Variants in DAB2IP observed in about 807,000 individuals in gnomAD.
The protein encoded by DAB2IP is DAB2 interacting protein.
A neutral mutation model predicts 107.2 loss-of-function variants in DAB2IP; 28 were observed. That is an observed-to-expected ratio of 0.26 (90% CI 0.19 to 0.36). DAB2IP has a LOEUF of 0.36. Among genes scored for constraint, DAB2IP ranks in the 10% least tolerant of loss-of-function variants. The pLI is 1.00. For synonymous variants in DAB2IP, 755 were observed against 706.4 expected, an observed-to-expected ratio of 1.07 and a Z score of -1.09; for missense variants, 1,400 against 1,644.7, an observed-to-expected ratio of 0.85 and a Z score of 2.57.
chr9:121,573,718 G>A (rs1564678528), intron 1 of DAB2IP, among the ~76,000 whole-genome samples: 1 of 152,142 alleles, frequency 6.6e-6, no homozygotes, highest in South Asian at 2.1e-4. Flanking sequence ...TACACCTGGT[G>A]GGTTGCAGTT....
chr9:121,779,522 A>C (rs943906436), intron 14 of DAB2IP, among the ~76,000 whole-genome samples: 2 of 152,208 alleles, frequency 1.3e-5, no homozygotes, highest in African/African-American at 4.8e-5. Context: ...TCTGGGAGAC[A>C]GTGAGGTTAC....
intron 3 of DAB2IP, among the ~76,000 whole-genome samples, chr9:121,742,155 C>T (rs1288478072): frequency 6.6e-6 from 1 of 152,100 alleles, no homozygotes; most frequent in African/African-American, 2.4e-5. Flanking sequence ...GGGCAGGGCA[C>T]GGTGGCTCAT....
chr9:121,582,931 G>T (rs997178085), intron 1 of DAB2IP, among the ~76,000 whole-genome samples: 2 of 152,234 alleles, frequency 1.3e-5, no homozygotes, highest in Admixed American at 6.5e-5. Flanking sequence ...CCAGGTGAAG[G>T]CTCTGCCCTG....
chr9:121,588,050 G>C (rs937154033), intron 1 of DAB2IP, among the ~76,000 whole-genome samples: 2 of 152,122 alleles, frequency 1.3e-5, no homozygotes, highest in African/African-American at 2.4e-5. Context: ...CTATCCATGC[G>C]TTGAAGCCCT....
At chr9:121,733,317 A>G (rs1831655130) in intron 3 of DAB2IP, among the ~76,000 whole-genome samples, 1 of 152,236 alleles carries the variant, frequency 6.6e-6, no homozygotes, top group African/African-American at 2.4e-5. Flanking sequence ...CCCAGGATGC[A>G]TGCATCTCTC....
chr9:121,769,063 C>T (rs909114296), intron 10 of DAB2IP, among the ~76,000 whole-genome samples: 1 of 152,206 alleles, frequency 6.6e-6, no homozygotes, highest in Non-Finnish European at 1.5e-5. Context: ...ACTCCCTAGA[C>T]ACCTCTGACA....
chr9:121,656,617 A>C (rs1832982554), intron 1 of DAB2IP, among the ~76,000 whole-genome samples: 1 of 151,552 alleles, frequency 6.6e-6, no homozygotes, highest in Non-Finnish European at 1.5e-5. Context: ...TGGGGAGCTC[A>C]CTCCCTCTCA....
At chr9:121,771,506 G>C (rs2119007598) in intron 11 of DAB2IP, among the ~76,000 whole-genome samples, 1 of 152,282 alleles carries the variant, frequency 6.6e-6, no homozygotes, top group Non-Finnish European at 1.5e-5. Context: ...GGGAGCCCAG[G>C]AGGGGCCAGA....
chr9:121,655,567 T>C (rs896590823), intron 1 of DAB2IP, among the ~76,000 whole-genome samples: 3 of 152,126 alleles, frequency 2.0e-5, no homozygotes, highest in Non-Finnish European at 4.4e-5. Context: ...ACAAGTCTCT[T>C]TCTAGGGGAC....
chr9:121,654,706 C>G (rs1832904034), intron 1 of DAB2IP, among the ~76,000 whole-genome samples: 1 of 152,202 alleles, frequency 6.6e-6, no homozygotes, highest in Admixed American at 6.5e-5. Flanking sequence ...TTGAGCCAGT[C>G]CCTTCTGACC....
chr9:121,746,411 T>C, intron 3 of DAB2IP, among the ~76,000 whole-genome samples: 1 of 152,108 alleles, frequency 6.6e-6, no homozygotes, highest in East Asian at 1.9e-4. Flanking sequence ...TGTGTGTGTG[T>C]TTTTAAGGAA....
chr9:121,782,546 G>A lies in DAB2IP; in HGVS notation c.*48G>A, dbSNP rs1255191460. 4 of 1,597,732 alleles carry A rather than the reference G, an allele frequency of 2.5e-6. No individual in the cohort carries two copies. In the South Asian group the frequency reaches 4.5e-5, roughly 18 times the overall value. ...TACCCAAGGAGAGGGGGACTATGGT[G>A]GCCAAGGGCAGGGTCTCGGCCTGGG... On this transcript the variant is annotated 3_prime_UTR_variant, in exon 16 of 16. Coordinates refer to ENST00000408936, the Ensembl canonical transcript of DAB2IP. The surrounding 1 kb of genome is among the most constrained non-coding windows in gnomAD (Gnocchi z 6.1).
Position 121,744,807 on chromosome 9 carries a change from C to T in DAB2IP, c.363-12206C>T, listed in dbSNP as rs559695851. Among the ~76,000 whole-genome samples, 23 of 152,282 alleles carry T rather than the reference C, an allele frequency of 1.5e-4. 1 individual carries two copies. The highest frequency in any genetic ancestry group is 3.4e-3 in the Middle Eastern group (1 of 294). ...TCAGAGCAGAGGGCGTGTGCATAGGCGCAAACCCTGGAGGGAGTTGTCAGT... is the reference window on the plus strand; with the variant it reads ...TCAGAGCAGAGGGCGTGTGCATAGGTGCAAACCCTGGAGGGAGTTGTCAGT... On this transcript the variant is annotated intron_variant, in intron 3 of 15. Coordinates refer to ENST00000408936, the Ensembl canonical transcript of DAB2IP.
At chr9:121,593,290 C>G (rs186964647) in intron 1 of DAB2IP, among the ~76,000 whole-genome samples, 1 of 152,104 alleles carries the variant, frequency 6.6e-6, no homozygotes, top group African/African-American at 2.4e-5. Flanking sequence ...TTTCTTGAGA[C>G]GGAGTCTCAC....
At chr9:121,687,796 C>T (rs1035695388) in intron 2 of DAB2IP, among the ~76,000 whole-genome samples, 1 of 152,186 alleles carries the variant, frequency 6.6e-6, no homozygotes, top group Admixed American at 6.5e-5. Context: ...CTGAGGGTGG[C>T]TCCTCTCATG....
intron 14 of DAB2IP, among the ~76,000 whole-genome samples, chr9:121,779,734 T>C (rs1835458218): frequency 6.6e-6 from 1 of 152,232 alleles, no homozygotes; most frequent in Non-Finnish European, 1.5e-5. Flanking sequence ...GTGTTCTCCT[T>C]TCTGACGGTT....
At chr9:121,769,151 A>G (rs1173690019) in intron 10 of DAB2IP, among the ~76,000 whole-genome samples, 1 of 152,166 alleles carries the variant, frequency 6.6e-6, no homozygotes, top group Non-Finnish European at 1.5e-5. Context: ...ACAGTGAGCA[A>G]CTAGTTCTTG....
In DAB2IP at chr9:121,699,346, A is replaced by G. The variant is rs772372729; in HGVS notation, c.250A>G (p.Lys84Glu). ...GCAGGGCTTCCTCAGCCGCCGCCTC[A>G]AGGGCTCCATCAAGCGCACCAAGAG... is the stretch of plus-strand genomic sequence containing the variant. The change falls in exon 3 of 16, where the codon AAG becomes GAG. Residue 84 changes from lysine (K) to glutamate (E), a missense_variant. Transcript: ENST00000408936. This position sits in a 1 kb window ranked among gnomAD's most constrained non-coding sequence, Gnocchi z 6.2. The G allele has an allele frequency of 2.8e-6, 4 of 1,406,476 alleles. No homozygotes were observed. Among genetic ancestry groups the G allele is most frequent in the African/African-American group, 1.6e-5 (1 of 64,286 alleles). The allele number at this position is 1,406,476 out of a possible 1,614,324, so 87.1% of individuals were successfully genotyped here. A position where few individuals can be genotyped will look rare whatever the true frequency, so the allele number is the denominator to read the frequency against.
intron 1 of DAB2IP, among the ~76,000 whole-genome samples, chr9:121,570,042 G>A (rs1214529252): frequency 6.6e-6 from 1 of 151,490 alleles, no homozygotes; most frequent in Non-Finnish European, 1.5e-5. Context: ...CAATTCCAAT[G>A]CCTCAGGGTC....
Sources: gnomAD v4.1 joint callset for allele counts (sites outside exome capture counted in the v4.1 genomes callset) on GRCh38, gnomAD v4.1.1 for gene constraint, Gnocchi (gnomAD v3.1) non-coding constraint, MANE v1.5 for transcripts, NCBI Gene and HGNC (gene_info 2026-07-23, HGNC 2026-07-21) for gene names.